The following TBC1D5 variants were observed in gnomAD, a reference collection of about 807,000 sequenced individuals.
TBC1D5 encodes the protein TBC1 domain family, member 5.
TBC1D5 carries 75 observed loss-of-function variants against 100.3 expected under a neutral mutation model. The observed-to-expected ratio is 0.75, with a 90% confidence interval of 0.62 to 0.91. The LOEUF is 0.91. TBC1D5 is among the 40% of genes least tolerant of loss of function. The pLI, the probability that TBC1D5 is intolerant of heterozygous loss-of-function variation, is 0.00. For synonymous variants in TBC1D5, 323 were observed against 325.6 expected, an observed-to-expected ratio of 0.99 and a Z score of 0.09; for missense variants, 910 against 942.4, an observed-to-expected ratio of 0.97 and a Z score of 0.45.
chr3:17,734,181 G>A (rs1019736216), intron 1 of TBC1D5, among the ~76,000 whole-genome samples: 1 of 152,080 alleles, frequency 6.6e-6, no homozygotes, highest in African/African-American at 2.4e-5. Context: ...AAAGATGGAG[G>A]ACTACTTATA....
rs577645623 is a variant in TBC1D5 at position 17,679,802 on chromosome 3, G to T, written c.-100-55889C>A. On this transcript the variant is annotated intron_variant, in intron 1 of 21. Transcript: ENST00000253692. ...AGTGAAGTATTACTGATTTATCTTTGAATAGAGTTTGGTCAAGTAGATATT... is the reference window on the plus strand; with the variant it reads ...AGTGAAGTATTACTGATTTATCTTTTAATAGAGTTTGGTCAAGTAGATATT... Among the ~76,000 whole-genome samples the T allele has an allele frequency of 1.3e-4, 19 of 151,448 alleles. 1 individual carries two copies. The highest frequency in any genetic ancestry group is 4.4e-4 in the African/African-American group (18 of 40,838).
chr3:17,709,379 A>G (rs149612964), intron 1 of TBC1D5, among the ~76,000 whole-genome samples: 2 of 152,360 alleles, frequency 1.3e-5, no homozygotes, highest in African/African-American at 4.8e-5. Context: ...TTGAATCAAG[A>G]TGATAGACTA....
chr3:17,214,078 A>C (rs745570107), intron 18 of TBC1D5, 129 bp downstream of exon 19: 1 of 884,396 alleles, frequency 1.1e-6, no homozygotes, highest in African/African-American at 1.8e-5. Context: ...ACTTTTGATA[A>C]AATAATTCCT....
At chr3:17,517,293 A>C (rs560207162) in intron 2 of TBC1D5, among the ~76,000 whole-genome samples, 1 of 152,348 alleles carries the variant, frequency 6.6e-6, no homozygotes, top group African/African-American at 2.4e-5. Context: ...TAGGAAAAAG[A>C]AGCCACTTGT....
At chr3:17,690,781 T>C (rs1483098376) in intron 1 of TBC1D5, among the ~76,000 whole-genome samples, 1 of 152,146 alleles carries the variant, frequency 6.6e-6, no homozygotes, top group Non-Finnish European at 1.5e-5. Flanking sequence ...CCGAAAACCA[T>C]ATCTCCACCC....
chr3:17,666,479 T>G (rs1162207359), intron 1 of TBC1D5, among the ~76,000 whole-genome samples: 4 of 152,172 alleles, frequency 2.6e-5, no homozygotes, highest in African/African-American at 9.6e-5. Flanking sequence ...TTCCCAAGCA[T>G]CATTTAATTA....
chr3:17,334,293 C>T (rs1194508143), intron 13 of TBC1D5, among the ~76,000 whole-genome samples: 2 of 151,988 alleles, frequency 1.3e-5, no homozygotes, highest in Non-Finnish European at 2.9e-5. Flanking sequence ...TCTTTTCTAC[C>T]TATCATCTAA....
At chr3:17,281,983 C>T (rs2080655066) in intron 15 of TBC1D5, among the ~76,000 whole-genome samples, 1 of 151,914 alleles carries the variant, frequency 6.6e-6, no homozygotes, top group Admixed American at 6.6e-5. Context: ...TTTAAGATGA[C>T]ACAGAAATAC....
intron 13 of TBC1D5, among the ~76,000 whole-genome samples, chr3:17,351,438 A>G (rs1342641000): frequency 1.3e-5 from 2 of 152,200 alleles, no homozygotes; most frequent in African/African-American, 2.4e-5. Flanking sequence ...AGCGACATGG[A>G]TGAGGCTGGA....
At chr3:17,368,078 C>T (rs563405670) in intron 13 of TBC1D5, among the ~76,000 whole-genome samples, 56 of 152,166 alleles carry the variant, frequency 3.7e-4, no homozygotes, top group Middle Eastern at 3.4e-3. Context: ...TTAAAACTTG[C>T]TAACAAAAAA....
At chr3:17,494,993 C>T (rs998520078) in intron 3 of TBC1D5, among the ~76,000 whole-genome samples, 9 of 152,162 alleles carry the variant, frequency 5.9e-5, no homozygotes, top group Non-Finnish European at 1.0e-4. Flanking sequence ...TTACTCACTG[C>T]CTCCCCTGGC....
rs947024280 is a variant in TBC1D5 at position 17,255,765 on chromosome 3, G to A, written c.1331+2741C>T. 5.9e-5 allele frequency among the ~76,000 whole-genome samples: 9 copies of A among 152,192 alleles called. No homozygotes were observed. In the East Asian group the frequency reaches 1.4e-3, roughly 23 times the overall value. The stretch of plus-strand genomic sequence containing the variant: ...TTTTAAAATAAGATTTAGGCCGGGC[G>A]CAGTGGCTCACGCCTGCAATCCCAG... On this transcript the variant is annotated intron_variant, in intron 16 of 21. Transcript: ENST00000253692.
At chr3:17,706,166 G>A (rs889263706) in intron 1 of TBC1D5, 47 of 1,575,300 alleles carry the variant, frequency 3.0e-5, no homozygotes, top group East Asian at 7.1e-5. Context: ...GGGAGACATC[G>A]GCAGGCAGCC....
chr3:17,257,036 T>A (rs34819209), intron 16 of TBC1D5, among the ~76,000 whole-genome samples: 88 of 151,866 alleles, frequency 5.8e-4, no homozygotes, highest in Non-Finnish European at 7.5e-4. Flanking sequence ...GGAGATAAGG[T>A]CAAAGAGATA....
chr3:17,467,550 C>T (rs934491076), intron 3 of TBC1D5, among the ~76,000 whole-genome samples: 10 of 151,788 alleles, frequency 6.6e-5, no homozygotes, highest in Admixed American at 5.9e-4. Flanking sequence ...AATATAGACA[C>T]AAAAAAGTTA....
chr3:17,356,994 TAA>T (rs35947645), intron 13 of TBC1D5, among the ~76,000 whole-genome samples: 69,340 of 149,196 alleles, frequency 0.46, 17,220 homozygotes, highest in African/African-American at 0.64. Context: ...TGTTTTGTGA[TAA>T]AAAAAAAAAA....
exon 22 of TBC1D5, chr3:17,158,567 C>G (rs556739770): frequency 6.6e-6 from 1 of 152,276 alleles, no homozygotes; most frequent in African/African-American, 2.4e-5. Context: ...CCATGACCCA[C>G]TGTCCTTGTA....
chr3:17,701,260 A>C (rs1434175825), intron 1 of TBC1D5, among the ~76,000 whole-genome samples: 1 of 152,114 alleles, frequency 6.6e-6, no homozygotes, highest in Non-Finnish European at 1.5e-5. Flanking sequence ...GTTCTCACTC[A>C]TAGGTGGGAC....
intron 13 of TBC1D5, among the ~76,000 whole-genome samples, chr3:17,350,128 T>TTTG (rs1332017555): frequency 6.6e-6 from 1 of 152,122 alleles, no homozygotes; most frequent in Non-Finnish European, 1.5e-5. Context: ...TCGTACAACT[T>TTTG]TTGTTGTTGT....
Sources: gnomAD v4.1 joint callset for allele counts (sites outside exome capture counted in the v4.1 genomes callset) on GRCh38, gnomAD v4.1.1 for gene constraint, MANE v1.5 for transcripts, NCBI Gene and HGNC (gene_info 2026-07-23, HGNC 2026-07-21) for gene names.